COPB2: variants seen among roughly 807,000 people sequenced by gnomAD.
COPB2 encodes the protein coatomer subunit beta'.
In COPB2, 16 loss-of-function variants were observed where a neutral mutation model predicts 120.8. The observed-to-expected ratio is 0.13, with a 90% CI of 0.09 to 0.20. The LOEUF is 0.20. Ranked by LOEUF, COPB2 falls within the 10% of genes least tolerant of loss-of-function variation. COPB2 has a pLI of 1.00. For synonymous variants in COPB2, 332 were observed against 366.3 expected (o/e 0.91, Z 1.07); for missense variants, 794 against 1,076.5 (o/e 0.74, Z 3.67).
chr3:139,383,340 A>G lies in COPB2; in HGVS notation c.99T>C (p.Ser33=), dbSNP rs754645442. The change falls in exon 2 of 22, where the codon AGT becomes AGC. Residue 33 remains serine, a synonymous_variant. Transcript: ENST00000333188. ...LHPTEPWMLA[S]LYNGSVCVWN... is the part of the protein sequence containing the mutation. ...AAACACACACACTGCCATTGTAAAG[A>G]CTTGCCAACATCCATGGCTCTGTAG... is the stretch of plus-strand genomic sequence containing the variant. 4 of 1,613,900 alleles carry G rather than the reference A, an allele frequency of 2.5e-6. No homozygotes were observed. Among genetic ancestry groups the G allele is most frequent in the Non-Finnish European group, 3.4e-6 (4 of 1,179,940 alleles).
intron 21 of COPB2, 24 bp from the exon 22 acceptor site, chr3:139,357,982 A>ATTAAG (rs1189225951): frequency 1.4e-6 from 2 of 1,417,778 alleles, no homozygotes; most frequent in African/African-American, 2.8e-5. Context: ...GAAGAGGGTA[A>ATTAAG]TTAAGTTTTA....
chr3:139,375,634 C>T lies in COPB2; in HGVS notation c.505-20G>A, dbSNP rs368799589. The T allele has an allele frequency of 4.8e-5, 78 of 1,611,674 alleles. No homozygotes were observed. The highest frequency in any genetic ancestry group is 6.1e-5 in the Non-Finnish European group (72 of 1,178,494). ...CCACACCTGCAGAGAGAAACAGCAT[C>T]GGCCAGTCAATATGGGGCCTTGCTT... On this transcript the variant is annotated intron_variant, in intron 5 of 21. Coordinates refer to ENST00000333188, the MANE Select transcript of COPB2 (RefSeq NM_004766.3).
rs373742350 is a variant in COPB2, at chr3:139,388,986, C to G, written c.3+562G>C. ...GGATTTGCAAATGCATAAAAGCACA[C>G]CAGCCAGTGTTATAAACAGCACCCC... is the stretch of plus-strand genomic sequence containing the variant. On this transcript the variant is annotated intron_variant, in intron 1 of 21. Coordinates refer to ENST00000333188, the MANE Select transcript of COPB2 (RefSeq NM_004766.3). Among the ~76,000 whole-genome samples the G allele has an allele frequency of 4.6e-5, 7 of 152,248 alleles. No homozygotes were observed. The South Asian group carries it at 1.5e-3, about 32-fold the overall frequency.
chr3:139,364,657 G>T (rs960422696), intron 15 of COPB2, among the ~76,000 whole-genome samples: 24 of 152,318 alleles, frequency 1.6e-4, no homozygotes, highest in Non-Finnish European at 3.4e-4. Flanking sequence ...TTAAGTGCTT[G>T]TTAAATTCAT....
rs780380900 is a variant in COPB2 at position 139,359,057 on chromosome 3, C to T, written c.2425G>A (p.Glu809Lys). 8 of 1,614,052 alleles carry T rather than the reference C, an allele frequency of 5.0e-6. No homozygotes were observed. The East Asian group carries it at 1.6e-4, about 31-fold the overall frequency. ...PGLKEAFVVEEWVKETHADLW... is the reference protein window; with the variant it reads ...PGLKEAFVVEKWVKETHADLW... ...TCAGCATGTGTTTCCTTCACCCATT[C>T]TTCAACAACAAAGGCTTCTTTTAAT... Residue 809 changes from glutamate to lysine, a missense_variant, in exon 19 of 22, where the codon GAA becomes AAA. Glu to Lys is a moderately conservative substitution (Grantham distance 56, BLOSUM62 1). Transcript: ENST00000333188.
At chr3:139,376,952 T>A (rs181078002) in intron 5 of COPB2, among the ~76,000 whole-genome samples, 2 of 152,296 alleles carry the variant, frequency 1.3e-5, no homozygotes, top group East Asian at 3.9e-4. Context: ...GGTTTCACCG[T>A]GTTAGCCAGG....
At position 139,368,158 on chromosome 3, in the gene COPB2, T is replaced by C. The variant is rs758933184; in HGVS notation, c.1532A>G (p.Glu511Gly). 6.2e-7 allele frequency: 1 copy of C among 1,613,258 alleles called. No homozygotes were observed. The highest frequency in any genetic ancestry group is 1.1e-5 in the South Asian group (1 of 90,898). ...THEGVTEDGIEDAFEVLGEIQ... is the reference protein window; with the variant it reads ...THEGVTEDGIGDAFEVLGEIQ... ...TGATGCAATTACCTCAAAGGCATCTTCAATGCCATCTTCAGTAACTCCCTC... is the reference window on the plus strand; with the variant it reads ...TGATGCAATTACCTCAAAGGCATCTCCAATGCCATCTTCAGTAACTCCCTC... The change falls in exon 13 of 22, where the codon GAA (glutamate) becomes GGA (glycine). Residue 511 changes from glutamate to glycine, a missense_variant. Coordinates refer to ENST00000333188, the MANE Select transcript of COPB2 (RefSeq NM_004766.3).
At chr3:139,386,957 G>C (rs1440516878) in intron 1 of COPB2, among the ~76,000 whole-genome samples, 2 of 151,650 alleles carry the variant, frequency 1.3e-5, no homozygotes, top group Non-Finnish European at 2.9e-5. Flanking sequence ...TCAGTACTTT[G>C]GGAAGCTGAG....
chr3:139,369,997 C>A (rs1053310829), intron 10 of COPB2, among the ~76,000 whole-genome samples: 1 of 152,156 alleles, frequency 6.6e-6, no homozygotes, highest in Non-Finnish European at 1.5e-5. Context: ...CCAAAGACAA[C>A]TCTAATCTAT....
At chr3:139,383,632 T>C (rs930449021) in intron 1 of COPB2, among the ~76,000 whole-genome samples, 197 bp from the exon 2 acceptor site, 1 of 152,162 alleles carries the variant, frequency 6.6e-6, no homozygotes, top group Non-Finnish European at 1.5e-5. Flanking sequence ...ATTTTAAGAT[T>C]TACAGCAGTG....
intron 4 of COPB2, among the ~76,000 whole-genome samples, chr3:139,378,820 C>T (rs1335423614): frequency 6.6e-6 from 1 of 152,204 alleles, no homozygotes. Context: ...TGTAGGTCTT[C>T]TCTGACAGGA....
chr3:139,388,109 G>T (rs574852341), intron 1 of COPB2, among the ~76,000 whole-genome samples: 1 of 152,266 alleles, frequency 6.6e-6, no homozygotes, highest in African/African-American at 2.4e-5. Context: ...GACGGCAAAA[G>T]AAAATGAAAT....
chr3:139,368,109 C>A, intron 13 of COPB2, 36 bp downstream of exon 13: 1 of 1,591,302 alleles, frequency 6.3e-7, no homozygotes. Context: ...CATTTAAAAA[C>A]AAAGCTGAAA....
Position 139,375,557 on chromosome 3 carries a change from C to T in COPB2, c.562G>A (p.Val188Met). 5 of 1,614,110 alleles carry T rather than the reference C, an allele frequency of 3.1e-6. No homozygotes were observed. The highest frequency in any genetic ancestry group is 4.2e-6 in the Non-Finnish European group (5 of 1,179,978). ...CCACTGTAGTAATCAATGCAATTCA[C>T]GCCTTTCTCATGTCCTTCCAAAGTG... The part of the protein sequence containing the change: ...NFTLEGHEKG[V>M]NCIDYYSGGD... Residue 188 changes from valine (V) to methionine (M), a missense_variant, in exon 6 of 22, where the codon GTG (valine) becomes ATG (methionine). Val to Met is a conservative substitution (Grantham distance 21, BLOSUM62 1). Around this residue, in one of 3 missense-constraint regions of COPB2, gnomAD observed 610 missense variants for 866.7 expected, o/e 0.70. Coordinates refer to ENST00000333188, the MANE Select transcript of COPB2 (RefSeq NM_004766.3).
At chr3:139,376,795 G>C (rs568345228) in intron 5 of COPB2, among the ~76,000 whole-genome samples, 4 of 152,350 alleles carry the variant, frequency 2.6e-5, no homozygotes, top group African/African-American at 9.6e-5. Flanking sequence ...TGTCCCCCAA[G>C]TTGGAGCGCA....
chr3:139,371,332 C>T (rs1274867928), intron 10 of COPB2, among the ~76,000 whole-genome samples: 1 of 152,174 alleles, frequency 6.6e-6, no homozygotes, highest in Middle Eastern at 3.2e-3. Context: ...TCCCAAGTAG[C>T]TCATAAAGGG....
intron 16 of COPB2, among the ~76,000 whole-genome samples, chr3:139,362,020 G>A (rs1028107763): frequency 2.6e-5 from 4 of 152,090 alleles, no homozygotes; most frequent in Admixed American, 2.0e-4. Flanking sequence ...GAGGGGGTTG[G>A]GCTGTCTTTC....
chr3:139,385,463 G>A (rs550007255), intron 1 of COPB2: 3 of 152,260 alleles, frequency 2.0e-5, no homozygotes, highest in Admixed American at 2.0e-4. Context: ...TGAGTTCTTT[G>A]GAGAAAAATG....
chr3:139,360,161 G>A (rs1941384471), intron 17 of COPB2, among the ~76,000 whole-genome samples: 1 of 148,836 alleles, frequency 6.7e-6, no homozygotes, highest in African/African-American at 2.5e-5. Context: ...TGGGGTGCAC[G>A]TTCAAAGTTA....
Sources: gnomAD v4.1 joint callset for allele counts (sites outside exome capture counted in the v4.1 genomes callset) on GRCh38, gnomAD v4.1.1 for gene constraint, gnomAD v4.1.1 regional missense constraint, MANE v1.5 for transcripts, NCBI Gene and HGNC (gene_info 2026-07-23, HGNC 2026-07-21) for gene names.